The following ZNF804B variants were observed in gnomAD, a reference collection of about 807,000 sequenced individuals.
ZNF804B encodes zinc finger 804B.
A neutral mutation model predicts 101.4 loss-of-function variants in ZNF804B; 80 were observed. The ratio of observed to expected loss-of-function variants is 0.79; its 90% CI spans 0.66 to 0.95. The LOEUF (loss-of-function observed/expected upper bound fraction) is 0.95. ZNF804B is among the 40% of genes least tolerant of loss of function. ZNF804B has a pLI of 0.00. For missense variants in ZNF804B, 1,673 were observed against 1,561.9 expected (o/e 1.07, Z -1.20); for synonymous variants, 622 against 558.8 (o/e 1.11, Z -1.59).
rs889594274 is a variant in ZNF804B at position 88,833,968 on chromosome 7, G to C, written c.108+73884G>C. On this transcript the variant is annotated intron_variant, in intron 1 of 3. Transcript: ENST00000333190. Reference sequence around the variant, plus strand: ...TTCAGGTAGAGTACAATTAAAAAAAGAAAAAACAATTACAGAGAAAGCTCT... The same window carrying C: ...TTCAGGTAGAGTACAATTAAAAAAACAAAAAACAATTACAGAGAAAGCTCT... Among the ~76,000 whole-genome samples, 5 of 151,684 alleles carry C rather than the reference G, an allele frequency of 3.3e-5. 1 individual carries two copies. Among genetic ancestry groups the C allele is most frequent in the Middle Eastern group, 6.8e-3 (2 of 294 alleles).
chr7:89,295,968 G>C (rs907735504), intron 2 of ZNF804B, among the ~76,000 whole-genome samples: 1 of 152,110 alleles, frequency 6.6e-6, no homozygotes. Context: ...AAGGCATACA[G>C]AGTGGTATAA....
chr7:88,897,336 T>C (rs1278338739), intron 1 of ZNF804B, among the ~76,000 whole-genome samples: 1 of 151,916 alleles, frequency 6.6e-6, no homozygotes, highest in African/African-American at 2.4e-5. Context: ...GAACCAGAGG[T>C]TGAAGTAATA....
At chr7:89,151,830 C>T (rs1256416319) in intron 1 of ZNF804B, among the ~76,000 whole-genome samples, 1 of 152,022 alleles carries the variant, frequency 6.6e-6, no homozygotes, top group Non-Finnish European at 1.5e-5. Flanking sequence ...TGAAAATTCA[C>T]ACTCATAGGC....
At chr7:88,945,564 G>A (rs1793115990) in intron 1 of ZNF804B, among the ~76,000 whole-genome samples, 1 of 148,008 alleles carries the variant, frequency 6.8e-6, no homozygotes, top group Non-Finnish European at 1.5e-5. Context: ...GATTGCCTTG[G>A]CTATATGGGC....
chr7:89,017,967 A>G (rs977105573), intron 1 of ZNF804B, among the ~76,000 whole-genome samples: 3 of 152,274 alleles, frequency 2.0e-5, no homozygotes, highest in Admixed American at 6.5e-5. Flanking sequence ...GCCAAGAGGA[A>G]CAAGCTGACT....
intron 2 of ZNF804B, among the ~76,000 whole-genome samples, chr7:89,231,214 T>C (rs572517401): frequency 1.3e-5 from 2 of 152,194 alleles, no homozygotes; most frequent in South Asian, 4.1e-4. Flanking sequence ...GCTATTTGTG[T>C]CTCATGGATT....
intron 1 of ZNF804B, among the ~76,000 whole-genome samples, chr7:88,902,182 A>C (rs1792402157): frequency 6.6e-6 from 1 of 151,984 alleles, no homozygotes; most frequent in Non-Finnish European, 1.5e-5. Flanking sequence ...ATTGTATATA[A>C]ATTTTCATTT....
chr7:89,019,827 C>T (rs1344988827), intron 1 of ZNF804B, among the ~76,000 whole-genome samples: 2 of 151,952 alleles, frequency 1.3e-5, no homozygotes, highest in Non-Finnish European at 2.9e-5. Context: ...TTTTCCATAA[C>T]TTCACTTTAT....
At chr7:89,173,110 A>G (rs1220163915) in intron 1 of ZNF804B, among the ~76,000 whole-genome samples, 1 of 152,110 alleles carries the variant, frequency 6.6e-6, no homozygotes, top group East Asian at 1.9e-4. Context: ...TTAACAAAGG[A>G]CCTAAAATTA....
intron 1 of ZNF804B, among the ~76,000 whole-genome samples, chr7:88,798,043 C>T (rs1339227646): frequency 1.3e-5 from 2 of 151,982 alleles, no homozygotes; most frequent in African/African-American, 4.8e-5. Flanking sequence ...TTTTTGTGCA[C>T]TGCTTTTTCC....
intron 1 of ZNF804B, among the ~76,000 whole-genome samples, chr7:89,044,471 C>T (rs1274456553): frequency 1.3e-5 from 2 of 152,144 alleles, no homozygotes; most frequent in South Asian, 4.1e-4. Flanking sequence ...AACTGGGTAA[C>T]AGGCAGAGGT....
intron 1 of ZNF804B, among the ~76,000 whole-genome samples, chr7:89,126,274 A>G (rs1790473190): frequency 1.3e-5 from 2 of 151,932 alleles, no homozygotes; most frequent in African/African-American, 4.8e-5. Flanking sequence ...TTCCCAATAT[A>G]TTTTTGGAAT....
intron 1 of ZNF804B, among the ~76,000 whole-genome samples, chr7:88,798,617 A>T (rs777581419): frequency 5.3e-5 from 8 of 152,110 alleles, no homozygotes; most frequent in African/African-American, 1.2e-4. Flanking sequence ...CTTCATTGTC[A>T]CATGGCTATC....
intron 1 of ZNF804B, among the ~76,000 whole-genome samples, chr7:89,215,066 A>T (rs1356383361): frequency 6.6e-6 from 1 of 152,182 alleles, no homozygotes; most frequent in Admixed American, 6.5e-5. Context: ...GGTAGAATTT[A>T]TACTCCTCCT....
chr7:88,886,380 A>G (rs1792128136), intron 1 of ZNF804B, among the ~76,000 whole-genome samples: 1 of 152,114 alleles, frequency 6.6e-6, no homozygotes, highest in Admixed American at 6.6e-5. Flanking sequence ...GTGATGAAGT[A>G]ATCTTTACAA....
chr7:88,873,606 G>T (rs1583989483), intron 1 of ZNF804B, among the ~76,000 whole-genome samples: 1 of 152,010 alleles, frequency 6.6e-6, no homozygotes, highest in Non-Finnish European at 1.5e-5. Context: ...GTTTTAGGTT[G>T]AATGTTTAAG....
chr7:88,994,750 A>G (rs1461142511), intron 1 of ZNF804B, among the ~76,000 whole-genome samples: 1 of 152,006 alleles, frequency 6.6e-6, no homozygotes, highest in African/African-American at 2.4e-5. Flanking sequence ...ACATACATTA[A>G]ATTGGAGTTT....
At chr7:89,288,513 G>T (rs187733027) in intron 2 of ZNF804B, among the ~76,000 whole-genome samples, 5 of 152,194 alleles carry the variant, frequency 3.3e-5, no homozygotes, top group African/African-American at 1.2e-4. Context: ...TATAAGACAG[G>T]TTACTTTTAA....
chr7:89,106,633 T>C (rs879221638), intron 1 of ZNF804B, among the ~76,000 whole-genome samples: 1 of 152,098 alleles, frequency 6.6e-6, no homozygotes, highest in Non-Finnish European at 1.5e-5. Context: ...AGTCCCTTAC[T>C]TCCACCAAAA....
Sources: allele counts gnomAD v4.1 joint callset (sites outside exome capture counted in the v4.1 genomes callset), GRCh38; gene constraint gnomAD v4.1.1; transcripts MANE v1.5; gene names NCBI Gene and HGNC (gene_info 2026-07-23, HGNC 2026-07-21).